LETM2: variants seen among roughly 807,000 people sequenced by gnomAD.
LETM2 encodes LETM1 domain-containing protein LETM2, mitochondrial.
Under a neutral mutation model 59.6 loss-of-function variants are expected in LETM2, and 58 were observed. The ratio of observed to expected loss-of-function variants is 0.97; its 90% CI spans 0.79 to 1.21. The LOEUF (loss-of-function observed/expected upper bound fraction) is 1.21. Among genes scored for constraint, LETM2 ranks in the 50% most tolerant of loss-of-function variants. The pLI is 0.00. For missense variants in LETM2, 572 were observed against 575.7 expected (o/e 0.99, Z 0.07); for synonymous variants, 199 against 214.1 (o/e 0.93, Z 0.62).
intron 4 of LETM2, among the ~76,000 whole-genome samples, chr8:38,394,881 A>T (rs1364103420): frequency 6.8e-6 from 1 of 147,828 alleles, no homozygotes; most frequent in Non-Finnish European, 1.5e-5. Context: ...CCTGTGCTCC[A>T]CCTATTTGTC....
chr8:38,399,160 C>T (rs1185793810), intron 4 of LETM2, among the ~76,000 whole-genome samples: 1 of 151,690 alleles, frequency 6.6e-6, no homozygotes, highest in Admixed American at 6.6e-5. Flanking sequence ...TACGTAGATT[C>T]CTGTTCTTCT....
chr8:38,391,312 T>G (rs1189181500), intron 2 of LETM2, among the ~76,000 whole-genome samples: 1 of 145,246 alleles, frequency 6.9e-6, no homozygotes, highest in Non-Finnish European at 1.5e-5. Context: ...TTTTTTTTTT[T>G]TTTTTTTTTT....
chr8:38,388,843 G>A (rs892603830), intron 2 of LETM2, among the ~76,000 whole-genome samples: 3 of 150,806 alleles, frequency 2.0e-5, no homozygotes, highest in Non-Finnish European at 4.4e-5. Flanking sequence ...TTGGCTCACT[G>A]CAACCTCCAA....
chr8:38,406,962 T>G lies in LETM2; in HGVS notation c.1235T>G (p.Ile412Ser). Residue 412 changes from isoleucine (I) to serine (S), a missense_variant, in exon 9 of 11, where the codon ATT becomes AGT. Coordinates refer to ENST00000379957, the MANE Select transcript of LETM2 (RefSeq NM_001286819.2). ...PLSGEAPKTD[I>S]LVELPTFTES... ...TCTCCCCAGGCTCCAAAGACTGATA[T>G]TCTTGTGGAATTACCTACTTTCACT... is the stretch of plus-strand genomic sequence containing the variant. 1 of 1,608,320 alleles carries G rather than the reference T, an allele frequency of 6.2e-7. No homozygotes were observed. Among genetic ancestry groups the G allele is most frequent in the East Asian group, 2.2e-5 (1 of 44,816 alleles).
intron 7 of LETM2, 99 bp from the exon 8 acceptor site, chr8:38,404,279 TGGCGGAAAGGGCGGG>T: frequency 2.8e-6 from 2 of 714,146 alleles, no homozygotes; most frequent in Non-Finnish European, 4.8e-6. Context: ...CTGAGCGGCT[TGGCGGAAAGGGCGGG>T]GGCGGTGGGA....
chr8:38,398,224 A>G (rs1218632903), intron 4 of LETM2, among the ~76,000 whole-genome samples: 1 of 152,182 alleles, frequency 6.6e-6, no homozygotes, highest in Non-Finnish European at 1.5e-5. Flanking sequence ...CTGCCTGGCA[A>G]TGTTTTAATT....
upstream of LETM2, among the ~76,000 whole-genome samples, chr8:38,383,731 C>T (rs1811666317): frequency 6.6e-6 from 1 of 151,604 alleles, no homozygotes; most frequent in East Asian, 1.9e-4. Flanking sequence ...GAAATCGAGA[C>T]CATCCTGGCT....
chr8:38,404,508 T>C lies in LETM2; in HGVS notation c.1218+2T>C, dbSNP rs150242123. ...ATTGAGATACCACTCAGTGGGGAGG[T>C]GAGTACCTGGGTTAATGGGGACCCT... On this transcript the variant is annotated splice_donor_variant, in intron 8 of 10. Coordinates refer to ENST00000379957, the MANE Select transcript of LETM2 (RefSeq NM_001286819.2). LOFTEE classifies it high-confidence loss of function. 1,148 of 1,601,266 alleles carry C rather than the reference T, an allele frequency of 7.2e-4. 17 individuals carry two copies. The South Asian group carries it at 7.8e-3, about 11-fold the overall frequency.
At chr8:38,405,743 G>A (rs1438457433) in intron 8 of LETM2, among the ~76,000 whole-genome samples, 6 of 152,138 alleles carry the variant, frequency 3.9e-5, no homozygotes, top group East Asian at 1.9e-4. Flanking sequence ...AAAGTTAATC[G>A]TCATTCTTAG....
chr8:38,392,414 GA>G (rs58859997), intron 2 of LETM2, 127 bp from the exon 3 acceptor site: 43,310 of 523,336 alleles, frequency 0.083, 2 homozygotes, highest in South Asian at 0.14. Flanking sequence ...AATGGGAGTG[GA>G]AAAAAAAAAA....
At chr8:38,387,183 G>A (rs1811839969) in intron 1 of LETM2, 1 of 152,278 alleles carries the variant, frequency 6.6e-6, no homozygotes, top group African/African-American at 2.4e-5. Context: ...CACCGTTAGT[G>A]TGGGTCCACA....
intron 4 of LETM2, among the ~76,000 whole-genome samples, chr8:38,396,675 T>A (rs1217311325): frequency 6.6e-6 from 1 of 151,170 alleles, no homozygotes; most frequent in Non-Finnish European, 1.5e-5. Flanking sequence ...GAGGCTGAGG[T>A]GGGAGGATTG....
intron 7 of LETM2, among the ~76,000 whole-genome samples, chr8:38,403,001 G>A (rs572585135): frequency 1.3e-5 from 2 of 151,836 alleles, no homozygotes; most frequent in Non-Finnish European, 2.9e-5. Flanking sequence ...TGCAGCTGTC[G>A]GACTGAGGTC....
At chr8:38,394,372 C>T (rs1402674818) in intron 4 of LETM2, 131 bp downstream of exon 4, 2 of 497,844 alleles carry the variant, frequency 4.0e-6, no homozygotes, top group East Asian at 6.1e-5. Context: ...TAATTAATAT[C>T]TTGCATTAGT....
intron 2 of LETM2, among the ~76,000 whole-genome samples, chr8:38,388,415 A>G (rs974143029): frequency 6.6e-6 from 1 of 151,420 alleles, no homozygotes; most frequent in Non-Finnish European, 1.5e-5. Flanking sequence ...GGATTGGCTT[A>G]GTACACAATT....
chr8:38,404,681 CAAACA>C (rs1165524774), intron 8 of LETM2, 175 bp downstream of exon 8: 7 of 576,094 alleles, frequency 1.2e-5, no homozygotes, highest in African/African-American at 9.4e-5. Flanking sequence ...CAACCACAAA[CAAACA>C]AAACAAAGGA....
intron 2 of LETM2, 120 bp downstream of exon 2, chr8:38,388,150 G>A: frequency 8.9e-6 from 6 of 676,666 alleles, no homozygotes; most frequent in Admixed American, 5.4e-5. Context: ...GTGCAATCTC[G>A]GCTCACTGCA....
upstream of LETM2, chr8:38,382,776 G>C (rs1412625854): frequency 6.6e-6 from 1 of 152,356 alleles, no homozygotes; most frequent in African/African-American, 2.4e-5. This position sits in a 1 kb window ranked among gnomAD's most constrained non-coding sequence, Gnocchi z 4.2. Context: ...TCCTACGGCT[G>C]TCAGGGAAGG....
chr8:38,389,761 G>A (rs1812063581), intron 2 of LETM2, among the ~76,000 whole-genome samples: 1 of 151,930 alleles, frequency 6.6e-6, no homozygotes, highest in Non-Finnish European at 1.5e-5. Flanking sequence ...AACACTTTGG[G>A]AGGCCGAGGC....
Sources: gnomAD v4.1 joint callset for allele counts (sites outside exome capture counted in the v4.1 genomes callset) on GRCh38, gnomAD v4.1.1 for gene constraint, Gnocchi (gnomAD v3.1) non-coding constraint, MANE v1.5 for transcripts, NCBI Gene and HGNC (gene_info 2026-07-23, HGNC 2026-07-21) for gene names.